NYAP2: variants seen among roughly 807,000 people sequenced by gnomAD.
NYAP2 encodes the protein neuronal tyrosine-phosphorylated phosphoinositide-3-kinase adapter 2.
Under a neutral mutation model 50.4 loss-of-function variants are expected in NYAP2, and 23 were observed. That is an observed-to-expected ratio of 0.46 (90% CI 0.33 to 0.65). The LOEUF (loss-of-function observed/expected upper bound fraction) is 0.65, where lower values mean the gene tolerates loss of function less well. NYAP2 is among the 30% of genes least tolerant of loss of function. NYAP2 has a pLI of 0.02. For synonymous variants in NYAP2, 394 were observed against 365.2 expected, an observed-to-expected ratio of 1.08 and a Z score of -0.90; for missense variants, 885 against 861.0, an observed-to-expected ratio of 1.03 and a Z score of -0.35.
chr2:225,445,223 C>A (rs999532883), intron 3 of NYAP2, among the ~76,000 whole-genome samples: 6 of 151,904 alleles, frequency 3.9e-5, no homozygotes, highest in African/African-American at 1.5e-4. Flanking sequence ...ACCACGTTCA[C>A]CTAAAGTATG....
At chr2:225,549,272 T>C (rs1307918005) in intron 4 of NYAP2, among the ~76,000 whole-genome samples, 4 of 152,254 alleles carry the variant, frequency 2.6e-5, no homozygotes, top group Non-Finnish European at 5.9e-5. Flanking sequence ...ATCTTGTCTC[T>C]ACTTAACATT....
chr2:225,512,662 A>T (rs1326961571), intron 3 of NYAP2, among the ~76,000 whole-genome samples: 77 of 90,728 alleles, frequency 8.5e-4, no homozygotes, highest in East Asian at 2.9e-3. Flanking sequence ...CCTTCCTCCC[A>T]TCTTTCTTTG....
intron 4 of NYAP2, among the ~76,000 whole-genome samples, chr2:225,552,433 T>G (rs1691694001): frequency 2.0e-5 from 3 of 152,212 alleles, no homozygotes; most frequent in African/African-American, 7.2e-5. Flanking sequence ...ATTCATATGA[T>G]GAATTCGTCA....
At chr2:225,515,014 A>G (rs1243775186) in intron 4 of NYAP2, among the ~76,000 whole-genome samples, 2 of 152,180 alleles carry the variant, frequency 1.3e-5, no homozygotes, top group African/African-American at 2.4e-5. Context: ...TCAGATGCCT[A>G]TGAGGTATGT....
At chr2:225,534,155 T>C (rs906631277) in intron 4 of NYAP2, among the ~76,000 whole-genome samples, 18 of 152,274 alleles carry the variant, frequency 1.2e-4, no homozygotes, top group African/African-American at 4.1e-4. Flanking sequence ...TCCTGTATGA[T>C]AGTTTAGGGA....
At chr2:225,446,240 CTCTCTCTATATATATA>C (rs1266115497) in intron 3 of NYAP2, among the ~76,000 whole-genome samples, 15 of 108,348 alleles carry the variant, frequency 1.4e-4, no homozygotes, top group African/African-American at 4.7e-4. Context: ...CTCTCTCTCT[CTCTCTCTATATATATA>C]TATATATATA....
intron 3 of NYAP2, among the ~76,000 whole-genome samples, chr2:225,495,709 T>C (rs2106174025): frequency 6.6e-6 from 1 of 152,322 alleles, no homozygotes; most frequent in South Asian, 2.1e-4. Flanking sequence ...CTGGTGATTA[T>C]TGTAGCAGAA....
At chr2:225,508,397 G>A (rs1559199116) in intron 3 of NYAP2, among the ~76,000 whole-genome samples, 1 of 152,098 alleles carries the variant, frequency 6.6e-6, no homozygotes, top group Non-Finnish European at 1.5e-5. Flanking sequence ...TCTTCCATTT[G>A]TCGTGATGCC....
At chr2:225,428,636 C>G (rs967952276) in intron 3 of NYAP2, among the ~76,000 whole-genome samples, 1 of 152,158 alleles carries the variant, frequency 6.6e-6, no homozygotes, top group Admixed American at 6.5e-5. Flanking sequence ...ACTACTCTAT[C>G]CATTCATTTT....
intron 5 of NYAP2, among the ~76,000 whole-genome samples, chr2:225,607,425 C>T (rs1163886739): frequency 6.6e-6 from 1 of 152,086 alleles, no homozygotes; most frequent in African/African-American, 2.4e-5. Context: ...TGTTTGAGTC[C>T]TGTGGCCTCC....
intron 4 of NYAP2, among the ~76,000 whole-genome samples, chr2:225,568,404 CATT>C (rs1332256522): frequency 6.6e-6 from 1 of 152,012 alleles, no homozygotes; most frequent in African/African-American, 2.4e-5. Context: ...TTTATTTTGC[CATT>C]ATTACCACTC....
chr2:225,478,007 C>A (rs146968353), intron 3 of NYAP2, among the ~76,000 whole-genome samples: 3 of 152,174 alleles, frequency 2.0e-5, no homozygotes, highest in East Asian at 1.9e-4. Flanking sequence ...GATGTTAGGT[C>A]ATAAGGGAAG....
exon 4 of NYAP2, chr2:225,513,425 C>T: frequency 1.2e-6 from 2 of 1,614,002 alleles, no homozygotes; most frequent in Non-Finnish European, 1.7e-6. Context: ...GCAAACATTT[C>T]CGCATGGGAT....
Position 225,579,602 on chromosome 2 carries a change from C to T in NYAP2, c.524-2339C>T, listed in dbSNP as rs571005574. 3.3e-5 allele frequency among the ~76,000 whole-genome samples: 5 copies of T among 152,342 alleles called. No homozygotes were observed. The South Asian group carries it at 8.3e-4, about 25-fold the overall frequency. ...AATCCAGACATAGCTCTCTTCCATT[C>T]CAAAGGCCACCTTCTCATCTGTGTG... On this transcript the variant is annotated intron_variant, in intron 4 of 6. Transcript: ENST00000636099.
At chr2:225,696,166 A>G in the NYAP2 span, among the ~76,000 whole-genome samples, 1 of 151,960 alleles carries the variant, frequency 6.6e-6, no homozygotes, top group African/African-American at 2.4e-5. Flanking sequence ...TCAACTCTGG[A>G]GTCAGACAGA....
intron 4 of NYAP2, among the ~76,000 whole-genome samples, chr2:225,555,729 A>G (rs1239720591): frequency 1.3e-5 from 2 of 152,132 alleles, no homozygotes; most frequent in South Asian, 2.1e-4. Context: ...CTGCCCAGTA[A>G]AAACAAGAGT....
At chr2:225,636,664 C>T (rs1446325784) in intron 6 of NYAP2, among the ~76,000 whole-genome samples, 2 of 152,100 alleles carry the variant, frequency 1.3e-5, no homozygotes, top group Non-Finnish European at 2.9e-5. Context: ...TCTGGACTAC[C>T]CTTGAGTCTT....
At chr2:225,642,066 G>T (rs554313390) in intron 6 of NYAP2, among the ~76,000 whole-genome samples, 1 of 150,168 alleles carries the variant, frequency 6.7e-6, no homozygotes, top group African/African-American at 2.5e-5. Flanking sequence ...AGACAGACAT[G>T]GTTCCTGCTT....
At chr2:225,668,454 A>T in the NYAP2 span, among the ~76,000 whole-genome samples, 1 of 152,162 alleles carries the variant, frequency 6.6e-6, no homozygotes, top group Non-Finnish European at 1.5e-5. Context: ...CAGATTTTCC[A>T]TTAGAGGATC....
Sources: allele counts gnomAD v4.1 joint callset (sites outside exome capture counted in the v4.1 genomes callset), GRCh38; gene constraint gnomAD v4.1.1; transcripts MANE v1.5; gene names NCBI Gene and HGNC (gene_info 2026-07-23, HGNC 2026-07-21).